The following SLC12A4 variants were observed in gnomAD, a reference collection of about 807,000 sequenced individuals.
The protein encoded by SLC12A4 is solute carrier family 12 member 4.
SLC12A4 carries 84 observed loss-of-function variants against 119.2 expected under a neutral mutation model. The observed-to-expected ratio is 0.70, with a 90% CI of 0.59 to 0.85. The LOEUF is 0.85. Among genes scored for constraint, SLC12A4 ranks in the 40% least tolerant of loss-of-function variants. The probability of loss-of-function intolerance (pLI) is 0.00; values close to 1 mark genes in which losing one functional copy is unlikely to be tolerated. For synonymous variants in SLC12A4, 599 were observed against 604.6 expected (o/e 0.99, Z 0.14); for missense variants, 1,298 against 1,476.3 (o/e 0.88, Z 1.98).
chr16:67,959,876 T>C (rs1317410824), intron 3 of SLC12A4, among the ~76,000 whole-genome samples: 1 of 152,214 alleles, frequency 6.6e-6, no homozygotes, highest in Non-Finnish European at 1.5e-5. Flanking sequence ...AGGCCCACCC[T>C]TCCTGCTTCA....
At position 67,943,765 on chromosome 16, in the gene SLC12A4, T is replaced by G; in HGVS notation, c.*1075A>C. On this transcript the variant is annotated 3_prime_UTR_variant, in exon 24 of 24. Coordinates refer to ENST00000316341, the MANE Select transcript of SLC12A4 (RefSeq NM_005072.5). The surrounding 1 kb of genome is among the most constrained non-coding windows in gnomAD (Gnocchi z 4.6). Reference sequence around the variant, plus strand: ...GGTTAGACAACTGAGAGTCACAGTGTGGTGGGAGAAGGGACGTCATTCCTC... The same window carrying G: ...GGTTAGACAACTGAGAGTCACAGTGGGGTGGGAGAAGGGACGTCATTCCTC... 1 of 609,776 alleles carries G rather than the reference T, an allele frequency of 1.6e-6. No individual in the cohort carries two copies. Among genetic ancestry groups the G allele is most frequent in the Non-Finnish European group, 2.8e-6 (1 of 354,374 alleles). 37.8% of individuals were successfully genotyped at this position (609,776 alleles called of 1,614,324 possible).
intron 1 of SLC12A4, among the ~76,000 whole-genome samples, chr16:67,964,403 G>GT (rs2030766607): frequency 6.6e-6 from 1 of 152,050 alleles, no homozygotes. Context: ...AAGCTCGACT[G>GT]TTTTTTCTGG....
chr16:67,966,535 C>A (rs1017271504), intron 1 of SLC12A4, among the ~76,000 whole-genome samples: 4 of 152,220 alleles, frequency 2.6e-5, no homozygotes, highest in Admixed American at 6.5e-5. Flanking sequence ...CCCTCCTGAT[C>A]CCTGTGTACA....
chr16:67,954,607 C>T (rs1027964486), intron 6 of SLC12A4, 36 bp downstream of exon 6: 2 of 1,613,030 alleles, frequency 1.2e-6, no homozygotes, highest in African/African-American at 2.7e-5. Flanking sequence ...ACTGTTTGGA[C>T]ATGGCCAGAG....
intron 14 of SLC12A4, 134 bp from the exon 15 acceptor site, chr16:67,947,922 A>C: frequency 6.8e-7 from 1 of 1,465,620 alleles, no homozygotes; most frequent in East Asian, 2.3e-5. Context: ...TGGGTGTAAG[A>C]CCTAGGTCCA....
chr16:67,959,763 C>G (rs2151335879), intron 3 of SLC12A4, among the ~76,000 whole-genome samples: 1 of 152,304 alleles, frequency 6.6e-6, no homozygotes, highest in Non-Finnish European at 1.5e-5. Context: ...CTTTCTGCAT[C>G]CCCAAATAAC....
chr16:67,953,602 G>A (rs984761184), intron 6 of SLC12A4, among the ~76,000 whole-genome samples: 9 of 152,068 alleles, frequency 5.9e-5, no homozygotes, highest in African/African-American at 1.9e-4. Context: ...AATTGACTGC[G>A]CAACTCTGTG....
intron 5 of SLC12A4, among the ~76,000 whole-genome samples, chr16:67,955,187 C>T (rs756435678): frequency 7.2e-5 from 11 of 152,250 alleles, no homozygotes; most frequent in Non-Finnish European, 1.3e-4. Flanking sequence ...CTGTCTCATC[C>T]AGCCTTTTGG....
At chr16:67,953,121 G>A (rs1359666378) in intron 6 of SLC12A4, among the ~76,000 whole-genome samples, 2 of 151,792 alleles carry the variant, frequency 1.3e-5, no homozygotes, top group Non-Finnish European at 2.9e-5. Context: ...AATAGGCCGG[G>A]CGCAATGGCT....
At chr16:67,945,037 C>G (rs2058324914) in intron 23 of SLC12A4, 50 bp downstream of exon 23, 1 of 1,590,486 alleles carries the variant, frequency 6.3e-7, no homozygotes, top group African/African-American at 1.3e-5. Context: ...GCTGGCTTGA[C>G]CTCCCATGCT....
At chr16:67,968,096 G>C (rs942656238) in intron 1 of SLC12A4, among the ~76,000 whole-genome samples, 2 of 152,146 alleles carry the variant, frequency 1.3e-5, no homozygotes, top group Non-Finnish European at 2.9e-5. Flanking sequence ...CGAAGTTGAA[G>C]GGCCGGGAAG....
At chr16:67,966,584 AC>A (rs1002693053) in intron 1 of SLC12A4, among the ~76,000 whole-genome samples, 1 of 152,068 alleles carries the variant, frequency 6.6e-6, no homozygotes, top group Non-Finnish European at 1.5e-5. Context: ...GCACCTCCCT[AC>A]CCCCTGCCCA....
chr16:67,955,035 C>G (rs1456473950), intron 5 of SLC12A4, among the ~76,000 whole-genome samples: 2 of 152,240 alleles, frequency 1.3e-5, no homozygotes, highest in African/African-American at 4.8e-5. Flanking sequence ...TAGTCTGCAG[C>G]AGTGGCTGAC....
chr16:67,967,991 G>A (rs2030936006), intron 1 of SLC12A4, among the ~76,000 whole-genome samples: 1 of 152,184 alleles, frequency 6.6e-6, no homozygotes, highest in Non-Finnish European at 1.5e-5. Context: ...GAGGCACACG[G>A]AGGGGTTTGG....
intron 1 of SLC12A4, 74 bp downstream of exon 1, chr16:67,968,365 G>T: frequency 1.5e-6 from 2 of 1,342,872 alleles, no homozygotes; most frequent in Middle Eastern, 1.8e-4. Context: ...ATAGGTGCGG[G>T]CGCGGGCCCG....
chr16:67,948,922 CCT>C (rs1404199263), intron 13 of SLC12A4, among the ~76,000 whole-genome samples: 1 of 152,136 alleles, frequency 6.6e-6, no homozygotes, highest in East Asian at 1.9e-4. Flanking sequence ...GTACAGGGCC[CCT>C]GTCAAGTCTG....
chr16:67,968,378 A>G (rs1188134035), intron 1 of SLC12A4, 61 bp downstream of exon 1: 2 of 1,434,928 alleles, frequency 1.4e-6, no homozygotes, highest in Admixed American at 2.4e-5. Flanking sequence ...CGGGCCCGGG[A>G]TGGCGGCCCC....
chr16:67,966,525 C>T (rs1198304689), intron 1 of SLC12A4, among the ~76,000 whole-genome samples: 1 of 152,248 alleles, frequency 6.6e-6, no homozygotes, highest in Non-Finnish European at 1.5e-5. Context: ...ATCCAGGTGA[C>T]CCTCCTGATC....
intron 6 of SLC12A4, chr16:67,954,310 G>A (rs906933022): frequency 3.6e-5 from 13 of 356,586 alleles, no homozygotes; most frequent in Non-Finnish European, 6.5e-5. Context: ...CACAAGCCCA[G>A]AAGGAAGCCT....
Sources: allele counts gnomAD v4.1 joint callset (sites outside exome capture counted in the v4.1 genomes callset), GRCh38; gene constraint gnomAD v4.1.1; non-coding constraint Gnocchi (gnomAD v3.1); transcripts MANE v1.5; gene names NCBI Gene and HGNC (gene_info 2026-07-23, HGNC 2026-07-21).